Variants in KIAA1217 observed in about 807,000 individuals in gnomAD.
The protein encoded by KIAA1217 is sickle tail protein homolog.
In KIAA1217, 88 loss-of-function variants were observed where a neutral mutation model predicts 163.9. The ratio of observed to expected loss-of-function variants is 0.54; its 90% confidence interval spans 0.45 to 0.64. The LOEUF (loss-of-function observed/expected upper bound fraction) is 0.64, where lower values mean the gene tolerates loss of function less well. KIAA1217 is among the 30% of genes least tolerant of loss of function. The pLI, the probability that KIAA1217 is intolerant of heterozygous loss-of-function variation, is 0.00. For missense variants in KIAA1217, 2,372 were observed against 2,475.0 expected (o/e 0.96, Z 0.88); for synonymous variants, 903 against 923.1 (o/e 0.98, Z 0.39).
At chr10:23,979,798 A>G (rs2131409866) in intron 1 of KIAA1217, among the ~76,000 whole-genome samples, 1 of 152,256 alleles carries the variant, frequency 6.6e-6, no homozygotes, top group Non-Finnish European at 1.5e-5. Context: ...ACCTATTTGT[A>G]GATGCAAAGC....
chr10:24,492,415 T>G (rs542422679), intron 6 of KIAA1217, among the ~76,000 whole-genome samples: 1 of 152,334 alleles, frequency 6.6e-6, no homozygotes, highest in East Asian at 1.9e-4. Flanking sequence ...CCTGGAAACA[T>G]TTGCAAATCA....
chr10:24,230,299 T>C (rs1175965228), intron 2 of KIAA1217, among the ~76,000 whole-genome samples: 4 of 152,264 alleles, frequency 2.6e-5, no homozygotes, highest in Middle Eastern at 3.4e-3. Context: ...ATATCTGCAT[T>C]ATATACTTAC....
chr10:24,435,840 G>GT (rs1251937131), intron 4 of KIAA1217, among the ~76,000 whole-genome samples: 1 of 151,926 alleles, frequency 6.6e-6, no homozygotes, highest in Non-Finnish European at 1.5e-5. Flanking sequence ...TTGTTGATCC[G>GT]TAAGTTGTAG....
At chr10:23,908,930 A>G (rs7070482) in intron 1 of KIAA1217, among the ~76,000 whole-genome samples, 60,354 of 151,962 alleles carry the variant, frequency 0.4, 13,862 homozygotes, top group African/African-American at 0.63. Context: ...AAGAAGATGC[A>G]CAATTGCAAA....
At chr10:23,896,544 T>C (rs1453353819) in intron 1 of KIAA1217, among the ~76,000 whole-genome samples, 2 of 152,052 alleles carry the variant, frequency 1.3e-5, no homozygotes, top group Non-Finnish European at 2.9e-5. Flanking sequence ...GATTTGATTT[T>C]GACCTCTTAT....
chr10:23,764,378 T>C (rs1316606038), intron 1 of KIAA1217, among the ~76,000 whole-genome samples: 3 of 152,180 alleles, frequency 2.0e-5, no homozygotes, highest in African/African-American at 4.8e-5. Flanking sequence ...AGTTCAACCA[T>C]TGTGGAAAAC....
intron 1 of KIAA1217, among the ~76,000 whole-genome samples, chr10:23,776,187 G>T: frequency 6.6e-6 from 1 of 152,166 alleles, no homozygotes; most frequent in African/African-American, 2.4e-5. Context: ...ATGTTTCCTT[G>T]TTATAGTGGC....
At chr10:24,167,393 G>A (rs1363471971) in intron 2 of KIAA1217, among the ~76,000 whole-genome samples, 2 of 151,920 alleles carry the variant, frequency 1.3e-5, no homozygotes, top group African/African-American at 4.8e-5. Context: ...GGATTCAAAG[G>A]TGTCATAGCA....
intron 1 of KIAA1217, among the ~76,000 whole-genome samples, chr10:23,934,681 A>C (rs1364211835): frequency 7.0e-6 from 1 of 143,526 alleles, no homozygotes; most frequent in Non-Finnish European, 1.5e-5. Context: ...GCAGTGGCAC[A>C]ATTTCGGCTC....
At chr10:24,176,627 C>T (rs1020628560) in intron 2 of KIAA1217, among the ~76,000 whole-genome samples, 1 of 152,260 alleles carries the variant, frequency 6.6e-6, no homozygotes, top group African/African-American at 2.4e-5. Flanking sequence ...TAAAAGTTCT[C>T]CAAGTCCCCA....
chr10:23,869,898 A>T (rs1184608222), intron 1 of KIAA1217, among the ~76,000 whole-genome samples: 1 of 152,128 alleles, frequency 6.6e-6, no homozygotes, highest in Non-Finnish European at 1.5e-5. Context: ...ATCTGAGTGC[A>T]TTCTGAGAAA....
chr10:24,399,605 A>G (rs1366657806), intron 3 of KIAA1217, among the ~76,000 whole-genome samples: 1 of 152,156 alleles, frequency 6.6e-6, no homozygotes, highest in Admixed American at 6.5e-5. Flanking sequence ...TGTTCTTTTC[A>G]ATTCTGTCTT....
chr10:24,340,663 A>C (rs1028502938), intron 2 of KIAA1217, among the ~76,000 whole-genome samples: 5 of 152,110 alleles, frequency 3.3e-5, no homozygotes, highest in African/African-American at 1.2e-4. Context: ...AAGCCAGACA[A>C]GGCTCCGCTG....
At chr10:23,841,453 C>T (rs575771082) in intron 1 of KIAA1217, among the ~76,000 whole-genome samples, 52 of 152,118 alleles carry the variant, frequency 3.4e-4, no homozygotes, top group Non-Finnish European at 6.5e-4. Context: ...TTGATGCATG[C>T]TGTAAAGCAC....
chr10:24,260,601 A>G (rs553879554), intron 2 of KIAA1217, among the ~76,000 whole-genome samples: 2,261 of 150,684 alleles, frequency 0.015, 60 homozygotes, highest in African/African-American at 0.052. Context: ...AAAAAAAAAA[A>G]AAAAAAGCCA....
chr10:24,128,147 C>T (rs186454111), intron 2 of KIAA1217, among the ~76,000 whole-genome samples: 9 of 152,254 alleles, frequency 5.9e-5, no homozygotes, highest in African/African-American at 1.4e-4. Context: ...AGAGCGGAGA[C>T]GCTGAATCTT....
intron 1 of KIAA1217, among the ~76,000 whole-genome samples, chr10:23,895,986 C>T (rs1449813785): frequency 1.8e-5 from 2 of 110,846 alleles, no homozygotes; most frequent in African/African-American, 7.3e-5. Flanking sequence ...ACACTGGGGA[C>T]TGTTGTGGGG....
At chr10:23,874,487 C>T (rs935124800) in intron 1 of KIAA1217, among the ~76,000 whole-genome samples, 1 of 151,904 alleles carries the variant, frequency 6.6e-6, no homozygotes, top group Non-Finnish European at 1.5e-5. Flanking sequence ...AAATTATAGC[C>T]CCTAAACTCT....
At chr10:24,058,214 G>A (rs943536254) in intron 2 of KIAA1217, among the ~76,000 whole-genome samples, 1 of 152,102 alleles carries the variant, frequency 6.6e-6, no homozygotes, top group Admixed American at 6.5e-5. Context: ...GTATGCATGG[G>A]TTCATTTCTG....
Sources: allele counts gnomAD v4.1 joint callset (sites outside exome capture counted in the v4.1 genomes callset), GRCh38; gene constraint gnomAD v4.1.1; transcripts MANE v1.5; gene names NCBI Gene and HGNC (gene_info 2026-07-23, HGNC 2026-07-21).